Variants in ZNF385C observed in about 807,000 individuals in gnomAD.
The protein encoded by ZNF385C is CTD-2132N18.2.
A neutral mutation model predicts 35.4 loss-of-function variants in ZNF385C; 28 were observed. That is an observed-to-expected ratio of 0.79 (90% CI 0.59 to 1.08). The LOEUF is 1.08. Among genes scored for constraint, ZNF385C ranks in the 50% least tolerant of loss-of-function variants. The probability of loss-of-function intolerance (pLI) is 0.00; values close to 1 mark genes in which losing one functional copy is unlikely to be tolerated. For missense variants in ZNF385C, 605 were observed against 595.6 expected, an observed-to-expected ratio of 1.02 and a Z score of -0.16; for synonymous variants, 248 against 248.2, an observed-to-expected ratio of 1.00 and a Z score of 0.01.
At chr17:42,085,789 G>T (rs1342615281) in intron 1 of ZNF385C, among the ~76,000 whole-genome samples, 1 of 151,784 alleles carries the variant, frequency 6.6e-6, no homozygotes, top group African/African-American at 2.4e-5. Flanking sequence ...AGTAGAGATG[G>T]GTTTTCACCA....
At chr17:42,040,285 G>A in intron 2 of ZNF385C, 5 of 1,231,670 alleles carry the variant, frequency 4.1e-6, no homozygotes, top group Non-Finnish European at 5.1e-6. Context: ...GCCCCGGACC[G>A]CAGCCTCGGA....
intron 2 of ZNF385C, among the ~76,000 whole-genome samples, chr17:42,056,982 A>G (rs1015985880): frequency 6.6e-6 from 1 of 152,138 alleles, no homozygotes; most frequent in African/African-American, 2.4e-5. Flanking sequence ...AAAATAAAAA[A>G]AAATTTAGCC....
At chr17:42,045,460 C>T (rs141486341) in intron 2 of ZNF385C, among the ~76,000 whole-genome samples, 6 of 152,352 alleles carry the variant, frequency 3.9e-5, no homozygotes, top group East Asian at 1.9e-4. Flanking sequence ...TGCTTTACAA[C>T]GATCCAGGGT....
intron 1 of ZNF385C, among the ~76,000 whole-genome samples, chr17:42,079,440 G>A (rs1235322170): frequency 6.8e-6 from 1 of 147,396 alleles, no homozygotes; most frequent in Non-Finnish European, 1.5e-5. Context: ...TGTAATCCCA[G>A]CACTTTGGGA....
intron 1 of ZNF385C, among the ~76,000 whole-genome samples, chr17:42,063,584 T>C (rs2053498664): frequency 6.6e-6 from 1 of 151,966 alleles, no homozygotes; most frequent in African/African-American, 2.4e-5. Flanking sequence ...CTTGGGACTT[T>C]CTGGAAGGGT....
intron 2 of ZNF385C, among the ~76,000 whole-genome samples, chr17:42,051,620 G>A (rs1050892675): frequency 6.6e-6 from 1 of 152,086 alleles, no homozygotes; most frequent in African/African-American, 2.4e-5. Context: ...TTCAGAGAGG[G>A]GGCTGGCCTG....
intron 1 of ZNF385C, among the ~76,000 whole-genome samples, chr17:42,082,705 G>A (rs1046443304): frequency 1.3e-5 from 2 of 152,246 alleles, no homozygotes; most frequent in African/African-American, 4.8e-5. Context: ...GGCTGAGGTA[G>A]GAGGATTGGT....
Position 42,029,005 on chromosome 17 carries a change from G to A in ZNF385C, c.745C>T (p.Pro249Ser), listed in dbSNP as rs1447598175. 7.7e-6 allele frequency: 12 copies of A among 1,550,490 alleles called. No homozygotes were observed. The highest frequency in any genetic ancestry group is 1.0e-5 in the Non-Finnish European group (12 of 1,147,018). ...GCATCCAAGAGCTCTGAGTGGGCTG[G>A]CTCCCTGCATGTAGGGTCTGGAGTT... Reference protein sequence around the residue: ...PPTPDPTCREPAHSELLDAAS... With the variant: ...PPTPDPTCRESAHSELLDAAS... Residue 249 changes from proline to serine, a missense_variant, in exon 6 of 9, where the codon CCA (proline) becomes TCA (serine). Coordinates refer to ENST00000692273, the MANE Select transcript of ZNF385C (RefSeq NM_001392013.1).
chr17:42,043,893 G>A (rs1203383647), intron 2 of ZNF385C, among the ~76,000 whole-genome samples: 3 of 152,196 alleles, frequency 2.0e-5, no homozygotes, highest in East Asian at 1.9e-4. Context: ...GGGAAACTGA[G>A]TCTGGAGACA....
chr17:42,083,402 A>G (rs2053769936), intron 1 of ZNF385C, among the ~76,000 whole-genome samples: 2 of 151,792 alleles, frequency 1.3e-5, no homozygotes, highest in African/African-American at 4.8e-5. Flanking sequence ...ACGGGGTTTC[A>G]CCATGTTAGT....
intron 1 of ZNF385C, among the ~76,000 whole-genome samples, chr17:42,084,535 T>A (rs2053785433): frequency 6.6e-6 from 1 of 152,184 alleles, no homozygotes; most frequent in South Asian, 2.1e-4. Context: ...TTCAGTTACA[T>A]TTATGAGTGT....
Position 42,037,787 on chromosome 17 carries a change from A to C in ZNF385C, c.349T>G (p.Phe117Val). 1 of 1,534,268 alleles carries C rather than the reference A, an allele frequency of 6.5e-7. No individual in the cohort carries two copies. Among genetic ancestry groups the C allele is most frequent in the Non-Finnish European group, 8.8e-7 (1 of 1,139,324 alleles). The change falls in exon 3 of 9, where the codon TTC becomes GTC. Residue 117 changes from phenylalanine (F) to valine (V), a missense_variant. Coordinates refer to ENST00000692273, the MANE Select transcript of ZNF385C (RefSeq NM_001392013.1). ...PPLDFKHLLAFHFNGAAPLSL... is the reference protein window; with the variant it reads ...PPLDFKHLLAVHFNGAAPLSL... ...AGCGGGGCAGCGCCATTGAAGTGGAAGGCGAGCAAGTGCTTGAAGTCCAGC... is the reference window on the plus strand; with the variant it reads ...AGCGGGGCAGCGCCATTGAAGTGGACGGCGAGCAAGTGCTTGAAGTCCAGC...
At chr17:42,032,590 A>T (rs771724898) in intron 4 of ZNF385C, among the ~76,000 whole-genome samples, 33 of 152,218 alleles carry the variant, frequency 2.2e-4, no homozygotes, top group Non-Finnish European at 4.1e-4. Context: ...GTACCCCAGA[A>T]CATTCATCCC....
At chr17:42,029,921 C>T (rs940751357) in intron 5 of ZNF385C, among the ~76,000 whole-genome samples, 1 of 151,376 alleles carries the variant, frequency 6.6e-6, no homozygotes, top group Non-Finnish European at 1.5e-5. Context: ...ATAGTTCCAA[C>T]TACTTGGGAG....
intron 2 of ZNF385C, 67 bp from the exon 3 acceptor site, chr17:42,037,952 C>T (rs549938836): frequency 5.2e-6 from 8 of 1,544,064 alleles, no homozygotes; most frequent in Admixed American, 3.9e-5. Context: ...GAACAAGAGG[C>T]GGGTGGGCTT....
chr17:42,027,561 C>T, intron 8 of ZNF385C, 57 bp downstream of exon 8: 1 of 665,788 alleles, frequency 1.5e-6, no homozygotes, highest in African/African-American at 1.9e-5. Context: ...CTGGCCCTCC[C>T]AGCCCACCCT....
chr17:42,051,218 A>T (rs2053276986), intron 2 of ZNF385C, among the ~76,000 whole-genome samples: 3 of 151,654 alleles, frequency 2.0e-5, no homozygotes, highest in Non-Finnish European at 4.4e-5. Context: ...ACCTGGTGGG[A>T]AGCCTCCTCC....
Position 42,034,272 on chromosome 17 carries a change from T to C in ZNF385C, c.463A>G (p.Lys155Glu). The part of the protein sequence containing the change: ...TFGVPSPLKK[K>E]LFISCNICHL... Reference sequence around the variant, plus strand: ...CAGATGTTACAGGAAATGAACAGCTTCTTCTTCAGAGGGGAGGGGACACCA... The same window carrying C: ...CAGATGTTACAGGAAATGAACAGCTCCTTCTTCAGAGGGGAGGGGACACCA... Residue 155 changes from lysine (K) to glutamate (E), a missense_variant, in exon 4 of 9, where the codon AAG becomes GAG. Lys to Glu is a moderately conservative substitution (Grantham distance 56). Coordinates refer to ENST00000692273, the MANE Select transcript of ZNF385C (RefSeq NM_001392013.1). The C allele has an allele frequency of 2.8e-5, 43 of 1,550,594 alleles. No individual in the cohort carries two copies. The highest frequency in any genetic ancestry group is 3.6e-5 in the Non-Finnish European group (41 of 1,146,960).
chr17:42,085,620 C>CA (rs1438951052), intron 1 of ZNF385C, among the ~76,000 whole-genome samples: 92 of 126,954 alleles, frequency 7.2e-4, no homozygotes, highest in African/African-American at 2.7e-3. Context: ...TTTTTTGAGA[C>CA]AGAGTCTCAC....
Sources: allele counts gnomAD v4.1 joint callset (sites outside exome capture counted in the v4.1 genomes callset), GRCh38; gene constraint gnomAD v4.1.1; transcripts MANE v1.5; gene names NCBI Gene and HGNC (gene_info 2026-07-23, HGNC 2026-07-21).